HECTD4: variants seen among roughly 807,000 people sequenced by gnomAD.
HECTD4 encodes the protein HECT domain E3 ubiquitin protein ligase 4.
In HECTD4, 114 loss-of-function variants were observed where a neutral mutation model predicts 471.5. The observed-to-expected ratio is 0.24, with a 90% CI of 0.21 to 0.28. HECTD4 has a LOEUF of 0.28. HECTD4 is among the 10% of genes least tolerant of loss of function. The pLI is 1.00. For synonymous variants in HECTD4, 2,012 were observed against 2,256.0 expected (o/e 0.89, Z 3.07); for missense variants, 3,866 against 5,651.5 (o/e 0.68, Z 10.13).
intron 17 of HECTD4, among the ~76,000 whole-genome samples, chr12:112,262,662 C>CA (rs2034176845): frequency 2.0e-5 from 3 of 151,784 alleles, no homozygotes. Flanking sequence ...GTCACCCAGG[C>CA]TGGAGTGCAG....
At chr12:112,237,901 T>A (rs1170613191) in intron 34 of HECTD4, among the ~76,000 whole-genome samples, 6 of 151,992 alleles carry the variant, frequency 3.9e-5, no homozygotes, top group African/African-American at 1.5e-4. Flanking sequence ...ATTACAGGTA[T>A]GTGCCACCAT....
At chr12:112,170,551 G>A in intron 68 of HECTD4, 99 bp from the exon 69 acceptor site, 2 of 1,489,610 alleles carry the variant, frequency 1.3e-6, no homozygotes, top group Non-Finnish European at 1.8e-6. Context: ...GGCACTCTCA[G>A]GCCCCCTGGT....
At chr12:112,336,057 A>G (rs1206248520) in intron 1 of HECTD4, among the ~76,000 whole-genome samples, 1 of 152,146 alleles carries the variant, frequency 6.6e-6, no homozygotes, top group Non-Finnish European at 1.5e-5. Flanking sequence ...CACGGTCTAG[A>G]GATCCAAATA....
At chr12:112,278,152 T>C (rs774393723) in intron 9 of HECTD4, among the ~76,000 whole-genome samples, 4 of 152,042 alleles carry the variant, frequency 2.6e-5, no homozygotes, top group South Asian at 2.1e-4. Flanking sequence ...AAGTAGAGTA[T>C]AGGTAACTCC....
In HECTD4 at chr12:112,163,660, G is replaced by C. The variant is rs1448044842; in HGVS notation, c.12779C>G (p.Thr4260Arg). Residue 4260 changes from threonine to arginine, a missense_variant, in exon 74 of 76, where the codon ACG (threonine) becomes AGG (arginine). Physicochemically the swap from Thr to Arg is moderately conservative, Grantham distance 71. Transcript: ENST00000682272. The surrounding 1 kb of genome is among the most constrained non-coding windows in gnomAD (Gnocchi z 8.2). ...LRELQNVECV[T>R]AVRAGLGSII... ...GGAGCCCAGGCCGGCCCGCACGGCCGTCACGCACTCCACATTCTGCAGCTC... is the reference window on the plus strand; with the variant it reads ...GGAGCCCAGGCCGGCCCGCACGGCCCTCACGCACTCCACATTCTGCAGCTC... The C allele has an allele frequency of 1.3e-6, 2 of 1,538,550 alleles. No homozygotes were observed.
chr12:112,311,365 G>A (rs910544497), intron 4 of HECTD4, among the ~76,000 whole-genome samples: 1 of 151,950 alleles, frequency 6.6e-6, no homozygotes, highest in South Asian at 2.1e-4. Flanking sequence ...GGGAGGCTGA[G>A]GTGGTGGGAG....
chr12:112,198,063 GGC>G (rs1242616810), intron 55 of HECTD4, among the ~76,000 whole-genome samples: 1 of 152,104 alleles, frequency 6.6e-6, no homozygotes, highest in Non-Finnish European at 1.5e-5. Context: ...TTGAACTCCT[GGC>G]CTCAAGTGAA....
Position 112,231,354 on chromosome 12 carries a change from C to CGTACTCCAGGCTGTACCTTA in HECTD4, c.6200+158_6200+159insTAAGGTACAGCCTGGAGTAC, listed in dbSNP as rs1248253774. 41 of 654,314 alleles carry CGTACTCCAGGCTGTACCTTA rather than the reference C, an allele frequency of 6.3e-5. No homozygotes were observed. The African/African-American group carries it at 6.7e-4, about 11-fold the overall frequency. The allele number at this position is 654,314 out of a possible 1,614,324, so 40.5% of individuals were successfully genotyped here. A position where few individuals can be genotyped will look rare whatever the true frequency, so the allele number is the denominator to read the frequency against. On this transcript the variant is annotated intron_variant, in intron 39 of 75. Coordinates refer to ENST00000682272, the MANE Select transcript of HECTD4 (RefSeq NM_001388303.1). Reference sequence around the variant, plus strand: ...TACCTGGATGGTCATTACTCCCCGACGTACTCCAGGCTGTACCTTGAGTGC... The same window carrying CGTACTCCAGGCTGTACCTTA: ...TACCTGGATGGTCATTACTCCCCGACGTACTCCAGGCTGTACCTTAGTACTCCAGGCTGTACCTTGAGTGC...
rs546576144 is a variant in HECTD4 at position 112,240,466 on chromosome 12, T to C, written c.4959-439A>G. Among the ~76,000 whole-genome samples, 5 of 151,952 alleles carry C rather than the reference T, an allele frequency of 3.3e-5. No individual in the cohort carries two copies. In the East Asian group the frequency reaches 7.7e-4, roughly 23 times the overall value. On this transcript the variant is annotated intron_variant, in intron 32 of 75. Transcript: ENST00000682272. The stretch of plus-strand genomic sequence containing the variant: ...TTTCTTTTCTTTTCTTTTTTTTTTT[T>C]AGAGACAGGGTCTTGGTCTGTTACC...
chr12:112,267,116 T>C (rs994283654), intron 13 of HECTD4, 134 bp from the exon 14 acceptor site: 11 of 621,118 alleles, frequency 1.8e-5, no homozygotes, highest in East Asian at 2.9e-5. Context: ...TGTCACCCCA[T>C]TGATCGCTGG....
intron 59 of HECTD4, 99 bp from the exon 60 acceptor site, chr12:112,191,064 T>C: frequency 1.0e-6 from 1 of 968,140 alleles, no homozygotes; most frequent in East Asian, 2.7e-5. Context: ...GAAACAGGGC[T>C]GGAGAGCCCA....
At chr12:112,175,351 G>A (rs2031398299) in intron 66 of HECTD4, among the ~76,000 whole-genome samples, 1 of 152,202 alleles carries the variant, frequency 6.6e-6, no homozygotes, top group South Asian at 2.1e-4. Flanking sequence ...CCCATGTGAG[G>A]ACCTTGAGAA....
At chr12:112,203,304 C>T (rs1282909040) in intron 54 of HECTD4, 6 of 189,724 alleles carry the variant, frequency 3.2e-5, no homozygotes, top group African/African-American at 1.4e-4. Flanking sequence ...TCATCAAGGA[C>T]AATGGGGACT....
chr12:112,289,883 G>A (rs1670199344), intron 7 of HECTD4, among the ~76,000 whole-genome samples: 1 of 152,016 alleles, frequency 6.6e-6, no homozygotes, highest in South Asian at 2.1e-4. Context: ...CACCATGTTG[G>A]CCAGGCTGGT....
At position 112,207,120 on chromosome 12, in the gene HECTD4, A is replaced by G. The variant is rs201745171; in HGVS notation, c.8131+754T>C. Among the ~76,000 whole-genome samples, 49 of 127,494 alleles carry G rather than the reference A, an allele frequency of 3.8e-4. 1 individual carries two copies. In the East Asian group the frequency reaches 5.8e-3, roughly 15 times the overall value. The allele number at this position is 127,494 out of a possible 152,430, so 83.6% of individuals were successfully genotyped here. On this transcript the variant is annotated intron_variant, in intron 52 of 75. Coordinates refer to ENST00000682272, the MANE Select transcript of HECTD4 (RefSeq NM_001388303.1). ...TGTTTATGTATATGTGTGTGTGTGT[A>G]TGTATGTATGTATGTATGTATGTAT...
chr12:112,272,236 G>C (rs934739494), intron 11 of HECTD4, among the ~76,000 whole-genome samples: 2 of 152,166 alleles, frequency 1.3e-5, no homozygotes, highest in African/African-American at 4.8e-5. Context: ...TTTTAGTAGA[G>C]ATGGGGTTTC....
chr12:112,302,403 G>A, intron 7 of HECTD4: 1 of 753,538 alleles, frequency 1.3e-6, no homozygotes, highest in Non-Finnish European at 2.4e-6. Flanking sequence ...GTAACTGTTT[G>A]GCAGTTCAGG....
Position 112,189,550 on chromosome 12 carries a change from CAAAAAA to C in HECTD4, c.9472+1230_9472+1235del, listed in dbSNP as rs57209316. ...TGGGCGACAGAGCGAGACTCCGTCT[CAAAAAA>C]AAAAAAAAAAAAAAAAAAAGAAAGA... On this transcript the variant is annotated intron_variant, in intron 60 of 75. Coordinates refer to ENST00000682272, the MANE Select transcript of HECTD4 (RefSeq NM_001388303.1). 1.1e-3 allele frequency among the ~76,000 whole-genome samples: 33 copies of C among 30,468 alleles called. No homozygotes were observed. The East Asian group carries it at 0.021, about 19-fold the overall frequency. 20.0% of individuals were successfully genotyped at this position (30,468 alleles called of 152,430 possible). A position where few individuals can be genotyped will look rare whatever the true frequency, so the allele number is the denominator to read the frequency against.
rs1293396938 is a variant in HECTD4 at position 112,243,755 on chromosome 12, G to A, written c.4656C>T (p.Arg1552=). 1 of 1,613,350 alleles carries A rather than the reference G, an allele frequency of 6.2e-7. No individual in the cohort carries two copies. Among genetic ancestry groups the A allele is most frequent in the Non-Finnish European group, 8.5e-7 (1 of 1,179,584 alleles). The change falls in exon 31 of 76, where the codon CGC becomes CGT. Residue 1552 remains arginine (R), a synonymous_variant. Transcript: ENST00000682272. This position sits in a 1 kb window ranked among gnomAD's most constrained non-coding sequence, Gnocchi z 6.6. ...LEFTRANQRR[R]HVTSHRSSSF... ...AGCTGCTGCGGTGGCTGGTCACGTG[G>A]CGACGCCTACGGGGAACACAGAACA...
Sources: gnomAD v4.1 joint callset for allele counts (sites outside exome capture counted in the v4.1 genomes callset) on GRCh38, gnomAD v4.1.1 for gene constraint, Gnocchi (gnomAD v3.1) non-coding constraint, MANE v1.5 for transcripts, NCBI Gene and HGNC (gene_info 2026-07-23, HGNC 2026-07-21) for gene names.